Variants in UVRAG observed in about 807,000 individuals in gnomAD.
UVRAG encodes UV radiation resistance-associated gene protein.
A neutral mutation model predicts 78.0 loss-of-function variants in UVRAG; 19 were observed. The observed-to-expected ratio is 0.24, with a 90% CI of 0.17 to 0.36. The LOEUF (loss-of-function observed/expected upper bound fraction) is 0.36, where lower values mean the gene tolerates loss of function less well. UVRAG is among the 10% of genes least tolerant of loss of function. UVRAG has a pLI of 1.00. For missense variants in UVRAG, 740 were observed against 853.8 expected, an observed-to-expected ratio of 0.87 and a Z score of 1.66; for synonymous variants, 323 against 324.6, an observed-to-expected ratio of 1.00 and a Z score of 0.05.
At chr11:76,013,719 C>T (rs144076541) in intron 11 of UVRAG, among the ~76,000 whole-genome samples, 2 of 152,330 alleles carry the variant, frequency 1.3e-5, no homozygotes, top group Non-Finnish European at 2.9e-5. Context: ...CATGAGCTCA[C>T]ATTTTCCCAC....
chr11:75,881,143 T>C (rs1341374862), intron 4 of UVRAG, among the ~76,000 whole-genome samples: 1 of 151,890 alleles, frequency 6.6e-6, no homozygotes, highest in Non-Finnish European at 1.5e-5. Flanking sequence ...TAATTTTTAT[T>C]TTTATTTTTG....
chr11:75,970,786 AC>A (rs1949108282), intron 7 of UVRAG, among the ~76,000 whole-genome samples: 1 of 151,286 alleles, frequency 6.6e-6, no homozygotes, highest in African/African-American at 2.4e-5. Context: ...CATATAACCC[AC>A]CCCATCCCCA....
At chr11:75,961,589 T>C in intron 7 of UVRAG, 40 bp downstream of exon 7, 1 of 1,475,952 alleles carries the variant, frequency 6.8e-7, no homozygotes, top group Non-Finnish European at 9.2e-7. Context: ...CTTCTTGTTT[T>C]CTAAAGGAGA....
chr11:75,986,972 A>G (rs1407521601), intron 8 of UVRAG, among the ~76,000 whole-genome samples: 1 of 152,322 alleles, frequency 6.6e-6, no homozygotes, highest in Admixed American at 6.5e-5. Context: ...ATTCAGTTAT[A>G]TGGATATGTC....
chr11:76,124,498 T>C (rs1389200733), intron 14 of UVRAG, among the ~76,000 whole-genome samples: 2 of 152,166 alleles, frequency 1.3e-5, no homozygotes, highest in African/African-American at 2.4e-5. Context: ...GAGGGCAACG[T>C]TGGGCCAACT....
intron 12 of UVRAG, among the ~76,000 whole-genome samples, chr11:76,060,756 C>G (rs1389044762): frequency 6.6e-6 from 1 of 152,238 alleles, no homozygotes; most frequent in South Asian, 2.1e-4. Flanking sequence ...TGCCAGCACA[C>G]CGGCGCTGCA....
chr11:75,916,331 A>G (rs1565378305), intron 6 of UVRAG: 1 of 152,162 alleles, frequency 6.6e-6, no homozygotes, highest in Non-Finnish European at 1.5e-5. Context: ...TTCTATTAGG[A>G]ATATTGTTAG....
At chr11:76,138,622 C>T (rs1952642155) in intron 14 of UVRAG, among the ~76,000 whole-genome samples, 1 of 152,212 alleles carries the variant, frequency 6.6e-6, no homozygotes, top group East Asian at 1.9e-4. Flanking sequence ...GGGAGCCCCA[C>T]AAAACAGCAG....
At chr11:76,106,888 T>C (rs987440633) in intron 13 of UVRAG, among the ~76,000 whole-genome samples, 1 of 145,368 alleles carries the variant, frequency 6.9e-6, no homozygotes, top group African/African-American at 2.6e-5. Context: ...CTGACTCATA[T>C]AGCCTTTAGC....
At chr11:75,842,433 C>T (rs1945935494) in intron 1 of UVRAG, among the ~76,000 whole-genome samples, 1 of 148,702 alleles carries the variant, frequency 6.7e-6, no homozygotes, top group Non-Finnish European at 1.5e-5. Context: ...TGTGACCTGC[C>T]TTTTCTTTCT....
intron 11 of UVRAG, among the ~76,000 whole-genome samples, chr11:76,013,788 C>T (rs1950096105): frequency 6.6e-6 from 1 of 152,102 alleles, no homozygotes; most frequent in Non-Finnish European, 1.5e-5. Flanking sequence ...GGTGGTTTTC[C>T]TTTTGAGGGT....
At chr11:75,820,535 G>A (rs1264138887) in intron 1 of UVRAG, among the ~76,000 whole-genome samples, 2 of 151,700 alleles carry the variant, frequency 1.3e-5, no homozygotes, top group Non-Finnish European at 2.9e-5. Context: ...TTGTATTTTT[G>A]GTAGAGATGA....
chr11:76,110,984 G>A (rs1413884908), intron 13 of UVRAG, among the ~76,000 whole-genome samples: 1 of 151,816 alleles, frequency 6.6e-6, no homozygotes, highest in South Asian at 2.1e-4. Flanking sequence ...TCAGCCTCCC[G>A]AGTAGCTGGG....
Position 76,143,123 on chromosome 11 carries a change from G to A in UVRAG, c.*1710G>A, listed in dbSNP as rs1952752359. 1 of 152,212 alleles carries A rather than the reference G, an allele frequency of 6.6e-6. No individual in the cohort carries two copies. The highest frequency in any genetic ancestry group is 2.4e-5 in the African/African-American group (1 of 41,428). 9.4% of individuals were successfully genotyped at this position (152,212 alleles called of 1,614,324 possible). A position where few individuals can be genotyped will look rare whatever the true frequency, so the allele number is the denominator to read the frequency against. On this transcript the variant is annotated 3_prime_UTR_variant, in exon 15 of 15. Transcript: ENST00000356136. The stretch of plus-strand genomic sequence containing the variant: ...CGCTCATTTTGGAGTCAGTGTGGGT[G>A]GAGACAGCATCGTGGATATGCACGT...
chr11:75,929,729 A>G (rs1215365226), intron 6 of UVRAG, among the ~76,000 whole-genome samples: 1 of 152,200 alleles, frequency 6.6e-6, no homozygotes, highest in Non-Finnish European at 1.5e-5. Flanking sequence ...TGCTCACGGT[A>G]ACAGCCACTG....
intron 7 of UVRAG, among the ~76,000 whole-genome samples, chr11:75,971,691 C>CT (rs370869099): frequency 0.014 from 1,967 of 145,304 alleles, 35 homozygotes; most frequent in African/African-American, 0.043. Context: ...TGTTCATTTT[C>CT]TTTTTTTTTT....
At chr11:76,057,630 A>T (rs1488395810) in intron 12 of UVRAG, among the ~76,000 whole-genome samples, 1 of 152,150 alleles carries the variant, frequency 6.6e-6, no homozygotes, top group Non-Finnish European at 1.5e-5. Flanking sequence ...TCACGTGCCT[A>T]TGGCCTGCCT....
At chr11:76,065,662 T>C in intron 12 of UVRAG, 48 bp from the exon 13 acceptor site, 2 of 1,572,182 alleles carry the variant, frequency 1.3e-6, no homozygotes, top group Non-Finnish European at 1.7e-6. Flanking sequence ...TTGGAGGTTG[T>C]ATTTACTCAG....
At chr11:75,893,670 CAAAAAAAAAAAAA>C (rs1048785134) in intron 5 of UVRAG, among the ~76,000 whole-genome samples, 5 of 60,392 alleles carry the variant, frequency 8.3e-5, no homozygotes, top group African/African-American at 1.7e-4. Flanking sequence ...CTATCTCTAC[CAAAAAAAAAAAAA>C]AAAAAAAAAA....
Sources: allele counts gnomAD v4.1 joint callset (sites outside exome capture counted in the v4.1 genomes callset), GRCh38; gene constraint gnomAD v4.1.1; transcripts MANE v1.5; gene names NCBI Gene and HGNC (gene_info 2026-07-23, HGNC 2026-07-21).